Variants in KRT36 observed in about 807,000 individuals in gnomAD.
KRT36 encodes keratin, type I cuticular Ha6.
In KRT36, 41 loss-of-function variants were observed where a neutral mutation model predicts 43.0. The observed-to-expected ratio is 0.95, with a 90% CI of 0.74 to 1.24. The LOEUF (loss-of-function observed/expected upper bound fraction) is 1.24, where lower values mean the gene tolerates loss of function less well. KRT36 is among the 50% of genes most tolerant of loss of function. The pLI is 0.00. For missense variants in KRT36, 627 were observed against 595.3 expected (o/e 1.05, Z -0.55); for synonymous variants, 277 against 252.9 (o/e 1.10, Z -0.90).
At position 41,489,585 on chromosome 17, in the gene KRT36, T is replaced by C. The variant is rs762436041; in HGVS notation, c.280A>G (p.Lys94Glu). The change falls in exon 1 of 7, where the codon AAG becomes GAG. Residue 94 changes from lysine (K) to glutamate (E), a missense_variant. Coordinates refer to ENST00000328119, the MANE Select transcript of KRT36 (RefSeq NM_003771.5). ...TCGTTCAGGAACTGCATAGTCTCCT[T>C]CTCGCTGCCGTTGAAGGAGCCCTCG... Reference protein sequence around the residue: ...FCEGSFNGSEKETMQFLNDRL... With the variant: ...FCEGSFNGSEEETMQFLNDRL... The C allele has an allele frequency of 6.2e-7, 1 of 1,614,146 alleles. No homozygotes were observed. The highest frequency in any genetic ancestry group is 8.5e-7 in the Non-Finnish European group (1 of 1,180,032).
chr17:41,486,137 T>G lies in KRT36; in HGVS notation c.*239A>C. 1 of 513,566 alleles carries G rather than the reference T, an allele frequency of 1.9e-6. No individual in the cohort carries two copies. Among genetic ancestry groups the G allele is most frequent in the South Asian group, 2.3e-5 (1 of 43,358 alleles). 31.8% of individuals were successfully genotyped at this position (513,566 alleles called of 1,614,324 possible). A position where few individuals can be genotyped will look rare whatever the true frequency, so the allele number is the denominator to read the frequency against. On this transcript the variant is annotated 3_prime_UTR_variant, in exon 7 of 7. Coordinates refer to ENST00000328119, the MANE Select transcript of KRT36 (RefSeq NM_003771.5). The stretch of plus-strand genomic sequence containing the variant: ...GAGCATCAACAGAGTCAGCCAGGGT[T>G]GAGTTTGCTATGCCAGGAGAACACA...
rs375968431 is a variant in KRT36 at position 41,489,530 on chromosome 17, C to A, written c.335G>T (p.Arg112Leu). The change falls in exon 1 of 7, where the codon CGT (arginine) becomes CTT (leucine). Residue 112 changes from arginine to leucine, a missense_variant. Transcript: ENST00000328119. ...DRLANYLEKV[R>L]QLERENAELE... ...CTCCGCGTTCTCCCGCTCCAGCTGACGCACCTTCTCCAGGTAGTTGGCCAG... is the reference window on the plus strand; with the variant it reads ...CTCCGCGTTCTCCCGCTCCAGCTGAAGCACCTTCTCCAGGTAGTTGGCCAG... The A allele has an allele frequency of 6.2e-7, 1 of 1,614,176 alleles. No individual in the cohort carries two copies. Among genetic ancestry groups the A allele is most frequent in the South Asian group, 1.1e-5 (1 of 91,078 alleles).
In KRT36 at chr17:41,486,391, C is replaced by A; in HGVS notation, c.1389G>T (p.Gln463His). ...AAGTGGGCTGTCACAGCGGGCGGGACTGCACGTGCTCCCTGGAGGAGATGA... is the reference window on the plus strand; with the variant it reads ...AAGTGGGCTGTCACAGCGGGCGGGAATGCACGTGCTCCCTGGAGGAGATGA... ...GKVISSREHV[Q>H]SRPL Residue 463 changes from glutamine to histidine, a missense_variant, in exon 7 of 7, where the codon CAG becomes CAT. By Grantham distance (24) the Gln-to-His change is conservative (BLOSUM62 0). Transcript: ENST00000328119. 2 of 1,613,970 alleles carry A rather than the reference C, an allele frequency of 1.2e-6. No individual in the cohort carries two copies. The highest frequency in any genetic ancestry group is 1.7e-6 in the Non-Finnish European group (2 of 1,179,986).
chr17:41,487,221 C>T, intron 5 of KRT36, 51 bp from the exon 6 acceptor site: 1 of 1,586,738 alleles, frequency 6.3e-7, no homozygotes, highest in Non-Finnish European at 8.6e-7. Context: ...TCCCCTGACC[C>T]CAGAAACCCA....
intron 6 of KRT36, 127 bp from the exon 7 acceptor site, chr17:41,486,698 C>T: frequency 2.5e-6 from 2 of 799,282 alleles, no homozygotes; most frequent in East Asian, 2.7e-5. Context: ...CTGAATTCCC[C>T]AAGGGTGAGA....
At position 41,486,532 on chromosome 17, in the gene KRT36, A is replaced by T; in HGVS notation, c.1248T>A (p.Val416=). The T allele has an allele frequency of 1.2e-6, 2 of 1,602,508 alleles. No homozygotes were observed. Among genetic ancestry groups the T allele is most frequent in the Non-Finnish European group, 1.7e-6 (2 of 1,174,796 alleles). Reference sequence around the variant, plus strand: ...CCGGGGGGACAGAAGGAACTCTAATAACAGGCTTGCATGCCGTGGCACAAG... The same window carrying T: ...CCGGGGGGACAGAAGGAACTCTAATTACAGGCTTGCATGCCGTGGCACAAG... ...PQPCATACKP[V]IRVPSVPPVP... The change falls in exon 7 of 7, where the codon GTT becomes GTA. Residue 416 remains valine, a synonymous_variant. Coordinates refer to ENST00000328119, the MANE Select transcript of KRT36 (RefSeq NM_003771.5).
rs147753614 is a variant in KRT36, at chr17:41,487,344, C to T, written c.987+7G>A. The T allele has an allele frequency of 2.8e-4, 446 of 1,609,968 alleles. No homozygotes were observed. Among genetic ancestry groups the T allele is most frequent in the Admixed American group, 4.0e-4 (24 of 59,852 alleles). On this transcript the variant is annotated splice_region_variant and intron_variant, in intron 5 of 6. Transcript: ENST00000328119. ...CGTGGCCAGCGACGCAGGCAGGGGCCACTCACCATGCTGTGCTGAGCCTGC... is the reference window on the plus strand; with the variant it reads ...CGTGGCCAGCGACGCAGGCAGGGGCTACTCACCATGCTGTGCTGAGCCTGC...
In KRT36 at chr17:41,488,359, CG is replaced by C. The variant is rs777802885; in HGVS notation, c.582del (p.Asp195ThrfsTer12). On this transcript the variant is annotated frameshift_variant, in exon 3 of 7. Transcript: ENST00000328119. LOFTEE classifies it high-confidence loss of function. ...AGGATCCTACGCAGGCCGTTGATGT[CG>C]GCCTCCACTAGCTGCCGCAGAGACA... ...TELSLRQLVE[A>X]DINGLRRILD... The C allele has an allele frequency of 1.2e-6, 2 of 1,614,198 alleles. No individual in the cohort carries two copies. Among genetic ancestry groups the C allele is most frequent in the South Asian group, 1.1e-5 (1 of 91,086 alleles).
rs1904498436 is a variant in KRT36, at chr17:41,489,405, C to T, written c.459+1G>A. Reference sequence around the variant, plus strand: ...CTGGAAAGGGGCCAGGTCTCCCTCACCTTCTGCTGGAAATCTTCGATGGTC... The same window carrying T: ...CTGGAAAGGGGCCAGGTCTCCCTCATCTTCTGCTGGAAATCTTCGATGGTC... On this transcript the variant is annotated splice_donor_variant, in intron 1 of 6. Transcript: ENST00000328119. LOFTEE classifies it high-confidence loss of function. 1.2e-6 allele frequency: 2 copies of T among 1,612,658 alleles called. No individual in the cohort carries two copies. Among genetic ancestry groups the T allele is most frequent in the African/African-American group, 1.3e-5 (1 of 75,034 alleles).
In KRT36 at chr17:41,489,747, G is replaced by A. The variant is rs776271282; in HGVS notation, c.118C>T (p.Pro40Ser). 3 of 1,614,044 alleles carry A rather than the reference G, an allele frequency of 1.9e-6. No homozygotes were observed. The highest frequency in any genetic ancestry group is 2.5e-6 in the Non-Finnish European group (3 of 1,179,990). The change falls in exon 1 of 7, where the codon CCC (proline) becomes TCC (serine). Residue 40 changes from proline to serine, a missense_variant. Transcript: ENST00000328119. The stretch of plus-strand genomic sequence containing the variant: ...TACCCTGCAGCACCGGCGAGACTGG[G>A]GACCCTGCAGGAGCCCACAGAACGG... ...SIRSVGSCRV[P>S]SLAGAAGYIS...
Position 41,487,089 on chromosome 17 carries a change from T to C in KRT36, c.1069A>G (p.Asn357Asp). 1 of 1,614,224 alleles carries C rather than the reference T, an allele frequency of 6.2e-7. No individual in the cohort carries two copies. Among genetic ancestry groups the C allele is most frequent in the Non-Finnish European group, 8.5e-7 (1 of 1,180,022 alleles). The change falls in exon 6 of 7, where the codon AAC becomes GAC. Residue 357 changes from asparagine to aspartate, a missense_variant. Physicochemically the swap from Asn to Asp is conservative, Grantham distance 23. Transcript: ENST00000328119. ...QLAQMQCLIS[N>D]VEAQLSEIRC... ...ATCTCAGACAGCTGGGCCTCCACGT[T>C]GCTGATCAGGCACTGCATCTGGGCC...
chr17:41,487,441 C>A lies in KRT36; in HGVS notation c.897G>T (p.Ser299=), dbSNP rs1241495507. 4 of 1,614,146 alleles carry A rather than the reference C, an allele frequency of 2.5e-6. No individual in the cohort carries two copies. The highest frequency in any genetic ancestry group is 3.4e-6 in the Non-Finnish European group (4 of 1,180,020). The change falls in exon 5 of 7, where the codon TCG becomes TCT. Residue 299 remains serine, a synonymous_variant. Coordinates refer to ENST00000328119, the MANE Select transcript of KRT36 (RefSeq NM_003771.5). The stretch of plus-strand genomic sequence containing the variant: ...CCGTCTGGCAGCACTGCAGCTGCTC[C>A]GAGCTGGACACCACCTGCTGGTTCA... ...EELNQQVVSS[S]EQLQCCQTEI...
chr17:41,487,800 G>T, intron 3 of KRT36, 63 bp from the exon 4 acceptor site: 2 of 1,512,740 alleles, frequency 1.3e-6, no homozygotes, highest in South Asian at 1.2e-5. Flanking sequence ...AGGTTTCAAT[G>T]ACCTGAATTC....
rs1336582588 is a variant in KRT36 at position 41,486,943 on chromosome 17, C to T, written c.1208+7G>A. On this transcript the variant is annotated splice_region_variant and intron_variant, in intron 6 of 6. Transcript: ENST00000328119. ...TCAAGCCCTACCCCAGCCCAAGGGC[C>T]ACTCACTTGCAGTCCTCTCCCTCCA... The T allele has an allele frequency of 6.2e-7, 1 of 1,610,460 alleles. No homozygotes were observed. Among genetic ancestry groups the T allele is most frequent in the Admixed American group, 1.7e-5 (1 of 60,016 alleles).
chr17:41,489,454 G>A lies in KRT36; in HGVS notation c.411C>T (p.Cys137=). The A allele has an allele frequency of 1.9e-6, 3 of 1,614,246 alleles. No homozygotes were observed. The highest frequency in any genetic ancestry group is 4.5e-5 in the East Asian group (2 of 44,890). ...TCTTGAAGTAGGACTGGTAGTCTGG[G>A]CAGATGTATGGGATCTGAAACTCGT... The part of the protein sequence containing the change: ...EWYEFQIPYI[C]PDYQSYFKTI... Residue 137 remains cysteine, a synonymous_variant, in exon 1 of 7, where the codon TGC becomes TGT. Coordinates refer to ENST00000328119, the MANE Select transcript of KRT36 (RefSeq NM_003771.5).
At position 41,488,249 on chromosome 17, in the gene KRT36, G is replaced by C; in HGVS notation, c.693C>G (p.His231Gln). The change falls in exon 3 of 7, where the codon CAC (histidine) becomes CAG (glutamine). Residue 231 changes from histidine (H) to glutamine (Q), a missense_variant. Transcript: ENST00000328119. ...CACATGGCACCAGCCTCACCTCCTC[G>C]TGATTCTTCTTGAGGCACATCAGCT... ...KEELMCLKKN[H>Q]EEEVSVLRCQ... is the part of the protein sequence containing the mutation. The C allele has an allele frequency of 6.2e-7, 1 of 1,613,662 alleles. No individual in the cohort carries two copies. Among genetic ancestry groups the C allele is most frequent in the Non-Finnish European group, 8.5e-7 (1 of 1,179,732 alleles).
At chr17:41,486,810 A>C (rs1904394792) in intron 6 of KRT36, 140 bp downstream of exon 6, 1 of 816,370 alleles carries the variant, frequency 1.2e-6, no homozygotes, top group Admixed American at 2.8e-5. Flanking sequence ...TGCATTACCA[A>C]AGCCTGGGAC....
chr17:41,488,858 A>C (rs1348054820), intron 1 of KRT36, 134 bp from the exon 2 acceptor site: 4 of 745,594 alleles, frequency 5.4e-6, no homozygotes, highest in Non-Finnish European at 9.3e-6. Context: ...CCTGAGCCAC[A>C]CCCCAGGTGT....
chr17:41,486,306 G>A lies in KRT36; in HGVS notation c.*70C>T, dbSNP rs1904378284. ...CTCTAGAGAAGGGCAGGGTCGTTAA[G>A]CCTCCAGGAGCCACAGGGGTGTCCT... On this transcript the variant is annotated 3_prime_UTR_variant, in exon 7 of 7. Coordinates refer to ENST00000328119, the MANE Select transcript of KRT36 (RefSeq NM_003771.5). 7.3e-7 allele frequency: 1 copy of A among 1,375,688 alleles called. No individual in the cohort carries two copies. The highest frequency in any genetic ancestry group is 1.4e-5 in the African/African-American group (1 of 69,998). The allele number at this position is 1,375,688 out of a possible 1,614,324, so 85.2% of individuals were successfully genotyped here.
Sources: allele counts gnomAD v4.1 joint callset, GRCh38; gene constraint gnomAD v4.1.1; transcripts MANE v1.5; gene names NCBI Gene and HGNC (gene_info 2026-07-23, HGNC 2026-07-21).